Variants in ZNF787 observed in about 807,000 individuals in gnomAD.
ZNF787 encodes TTF-I-interacting peptide 20.
A neutral mutation model predicts 16.9 loss-of-function variants in ZNF787; 7 were observed. The ratio of observed to expected loss-of-function variants is 0.42; its 90% CI spans 0.24 to 0.78. ZNF787 has a LOEUF of 0.78. Among genes scored for constraint, ZNF787 ranks in the 30% least tolerant of loss-of-function variants. ZNF787 has a pLI of 0.30. For missense variants in ZNF787, 551 were observed against 589.3 expected (o/e 0.94, Z 0.67); for synonymous variants, 345 against 270.9 (o/e 1.27, Z -2.69).
chr19:56,092,035 CCG>C lies in ZNF787; in HGVS notation c.80-2945_80-2944del, dbSNP rs1211419105. On this transcript the variant is annotated intron_variant, in intron 2 of 2. Coordinates refer to ENST00000610935, the MANE Select transcript of ZNF787 (RefSeq NM_001002836.4). ...GCCGAAACCGAAGCCGAAGCCGAAG[CCG>C]AAGCCGAAGCCTCACCCTCACCCTC... Among the ~76,000 whole-genome samples, 15 of 151,616 alleles carry C rather than the reference CCG, an allele frequency of 9.9e-5. No individual in the cohort carries two copies. The East Asian group carries it at 1.4e-3, about 14-fold the overall frequency.
intron 2 of ZNF787, among the ~76,000 whole-genome samples, chr19:56,096,872 G>A (rs1985894175): frequency 6.6e-6 from 1 of 152,182 alleles, no homozygotes; most frequent in Non-Finnish European, 1.5e-5. Context: ...CTCAGAAGCG[G>A]AATGTCTTTA....
intron 1 of ZNF787, among the ~76,000 whole-genome samples, chr19:56,114,205 C>A (rs1568535764): frequency 6.6e-6 from 1 of 152,188 alleles, no homozygotes; most frequent in Non-Finnish European, 1.5e-5. Context: ...GCCCGGATCT[C>A]GCTGTGCAGT....
At chr19:56,104,765 A>G (rs1392941283) in intron 1 of ZNF787, among the ~76,000 whole-genome samples, 5 of 152,386 alleles carry the variant, frequency 3.3e-5, no homozygotes, top group Admixed American at 2.6e-4. Flanking sequence ...ACACACAGCT[A>G]AAGTGGAGAG....
At chr19:56,106,834 C>G (rs1181572668) in intron 1 of ZNF787, among the ~76,000 whole-genome samples, 1 of 152,242 alleles carries the variant, frequency 6.6e-6, no homozygotes, top group African/African-American at 2.4e-5. Context: ...CAGACCAGCA[C>G]GCGGAACAGT....
Position 56,088,827 on chromosome 19 carries a change from G to T in ZNF787, c.345C>A (p.Ile115=). ...QSSHLVQHRR[I]HTGEKPYACL... is the part of the protein sequence containing the mutation. ...AGGCGTAGGGCTTCTCGCCCGTGTGGATGCGCCGGTGCTGCACCAGGTGCG... is the reference window on the plus strand; with the variant it reads ...AGGCGTAGGGCTTCTCGCCCGTGTGTATGCGCCGGTGCTGCACCAGGTGCG... Residue 115 remains isoleucine (I), a synonymous_variant, in exon 3 of 3, where the codon ATC becomes ATA. Transcript: ENST00000610935. The surrounding 1 kb of genome is among the most constrained non-coding windows in gnomAD (Gnocchi z 8.6). 6.2e-7 allele frequency: 1 copy of T among 1,611,314 alleles called. No homozygotes were observed. The highest frequency in any genetic ancestry group is 8.5e-7 in the Non-Finnish European group (1 of 1,178,898).
intron 1 of ZNF787, among the ~76,000 whole-genome samples, chr19:56,111,424 C>T (rs972153037): frequency 6.6e-5 from 10 of 152,264 alleles, no homozygotes; most frequent in Middle Eastern, 6.8e-3. Context: ...GTGCTGGGGG[C>T]TCCTAGCCTG....
chr19:56,113,683 CGGGACGCA>C (rs949429166), intron 1 of ZNF787, among the ~76,000 whole-genome samples: 2 of 29,924 alleles, frequency 6.7e-5, no homozygotes, highest in African/African-American at 1.4e-4. Context: ...TCCCAGGAAC[CGGGACGCA>C]GGGAGGCAGG....
rs1483072478 is a variant in ZNF787, at chr19:56,087,391, T to TTCCAGCACCCCTTCC, written c.*617_*631dup. ...GACATTTGGATAGTGCCGTTTATTGTTCCAGCACCCCTTCCTCCACCACGC... is the reference window on the plus strand; with the variant it reads ...GACATTTGGATAGTGCCGTTTATTGTTCCAGCACCCCTTCCTCCAGCACCCCTTCCTCCACCACGC... On this transcript the variant is annotated 3_prime_UTR_variant, in exon 3 of 3. Transcript: ENST00000610935. The TTCCAGCACCCCTTCC allele has an allele frequency of 6.6e-6, 1 of 152,008 alleles. No individual in the cohort carries two copies. 9.4% of individuals were successfully genotyped at this position (152,008 alleles called of 1,614,324 possible).
intron 2 of ZNF787, among the ~76,000 whole-genome samples, chr19:56,090,683 G>A (rs757101425): frequency 4.6e-5 from 7 of 152,218 alleles, no homozygotes; most frequent in Admixed American, 2.0e-4. Flanking sequence ...TTAGCCGGGC[G>A]TGGTGGCGCA....
chr19:56,106,672 C>T (rs2123416960), intron 1 of ZNF787, among the ~76,000 whole-genome samples: 1 of 151,840 alleles, frequency 6.6e-6, no homozygotes, highest in Admixed American at 6.5e-5. Context: ...AACCTCAACA[C>T]CGGAAGAGAA....
At chr19:56,108,858 T>C (rs1187341748) in intron 1 of ZNF787, among the ~76,000 whole-genome samples, 1 of 152,140 alleles carries the variant, frequency 6.6e-6, no homozygotes, top group Non-Finnish European at 1.5e-5. Flanking sequence ...TAAACTGCCA[T>C]GAACATGCTT....
chr19:56,110,212 T>A (rs1465676658), intron 1 of ZNF787, among the ~76,000 whole-genome samples: 1 of 151,966 alleles, frequency 6.6e-6, no homozygotes, highest in Admixed American at 6.6e-5. Flanking sequence ...ATACAAAACT[T>A]AGCCAGGCAT....
At chr19:56,110,767 G>T (rs1447696978) in intron 1 of ZNF787, among the ~76,000 whole-genome samples, 1 of 152,228 alleles carries the variant, frequency 6.6e-6, no homozygotes, top group Non-Finnish European at 1.5e-5. Flanking sequence ...CCAGGCTATG[G>T]ATGGGGGAGG....
At chr19:56,108,017 T>C (rs1284729920) in intron 1 of ZNF787, among the ~76,000 whole-genome samples, 4 of 152,056 alleles carry the variant, frequency 2.6e-5, no homozygotes, top group Admixed American at 6.5e-5. Context: ...GCTTGTCTTA[T>C]GGATGTGGAA....
rs547658765 is a variant in ZNF787 at position 56,087,912 on chromosome 19, C to G, written c.*111G>C. The G allele has an allele frequency of 6.5e-5, 83 of 1,277,550 alleles. 2 individuals carry two copies. The East Asian group carries it at 1.6e-3, about 25-fold the overall frequency. 79.1% of individuals were successfully genotyped at this position (1,277,550 alleles called of 1,614,324 possible). A position where few individuals can be genotyped will look rare whatever the true frequency, so the allele number is the denominator to read the frequency against. On this transcript the variant is annotated 3_prime_UTR_variant, in exon 3 of 3. Coordinates refer to ENST00000610935, the MANE Select transcript of ZNF787 (RefSeq NM_001002836.4). ...GAGGAGGGCGGGGAGCCGGGGATGC[C>G]GCGGGGTCCATCGCACCCCGTCCGC...
At chr19:56,091,208 T>G (rs1599938849) in intron 2 of ZNF787, among the ~76,000 whole-genome samples, 1 of 152,212 alleles carries the variant, frequency 6.6e-6, no homozygotes, top group Non-Finnish European at 1.5e-5. Flanking sequence ...GGAAAGAGAT[T>G]TGTTGTCACC....
At chr19:56,096,726 A>G (rs893733808) in intron 2 of ZNF787, among the ~76,000 whole-genome samples, 2 of 152,060 alleles carry the variant, frequency 1.3e-5, no homozygotes, top group Admixed American at 1.3e-4. Flanking sequence ...AAATAAATAA[A>G]TAAATAAAAA....
intron 2 of ZNF787, among the ~76,000 whole-genome samples, chr19:56,093,593 G>T (rs954632155): frequency 3.9e-5 from 6 of 152,180 alleles, no homozygotes; most frequent in African/African-American, 1.4e-4. Context: ...TCCCTGGTCA[G>T]TTGTCTGAGG....
chr19:56,111,258 G>A (rs1051455831), intron 1 of ZNF787, among the ~76,000 whole-genome samples: 2 of 152,150 alleles, frequency 1.3e-5, no homozygotes, highest in Non-Finnish European at 2.9e-5. Context: ...ATGGCGCCAG[G>A]AGGGAGGGGC....
Sources: gnomAD v4.1 joint callset for allele counts (sites outside exome capture counted in the v4.1 genomes callset) on GRCh38, gnomAD v4.1.1 for gene constraint, Gnocchi (gnomAD v3.1) non-coding constraint, MANE v1.5 for transcripts, NCBI Gene and HGNC (gene_info 2026-07-23, HGNC 2026-07-21) for gene names.